Variants in NEGR1 observed in about 807,000 individuals in gnomAD.
NEGR1 encodes neuronal growth regulator 1.
NEGR1 carries 10 observed loss-of-function variants against 40.9 expected under a neutral mutation model. The observed-to-expected ratio is 0.24, with a 90% CI of 0.15 to 0.42. The LOEUF (loss-of-function observed/expected upper bound fraction) is 0.42. NEGR1 is among the 10% of genes least tolerant of loss of function. The pLI, the probability that NEGR1 is intolerant of heterozygous loss-of-function variation, is 1.00. For synonymous variants in NEGR1, 185 were observed against 166.8 expected (o/e 1.11, Z -0.84); for missense variants, 352 against 438.9 (o/e 0.80, Z 1.77).
At chr1:71,928,937 A>G (rs1206830661) in intron 2 of NEGR1, among the ~76,000 whole-genome samples, 1 of 152,118 alleles carries the variant, frequency 6.6e-6, no homozygotes, top group Non-Finnish European at 1.5e-5. Context: ...GGGTAAGTAA[A>G]TAATGATTTA....
intron 4 of NEGR1, among the ~76,000 whole-genome samples, chr1:71,680,154 A>G (rs992063832): frequency 6.6e-6 from 1 of 151,888 alleles, no homozygotes; most frequent in Non-Finnish European, 1.5e-5. Context: ...TTTTCTTTTT[A>G]TTTCTTTTTA....
intron 4 of NEGR1, among the ~76,000 whole-genome samples, chr1:71,644,880 CTGTTCACA>C (rs1308161395): frequency 6.6e-6 from 1 of 151,978 alleles, no homozygotes; most frequent in East Asian, 1.9e-4. Flanking sequence ...AGGCTACTAT[CTGTTCACA>C]TGTTTATTAT....
chr1:71,658,855 C>A (rs1171009413), intron 4 of NEGR1, among the ~76,000 whole-genome samples: 2 of 151,988 alleles, frequency 1.3e-5, no homozygotes, highest in African/African-American at 4.8e-5. Flanking sequence ...TATTGTAGGT[C>A]ACAAAACTAT....
chr1:72,141,995 G>T (rs1650695993), intron 1 of NEGR1, among the ~76,000 whole-genome samples: 1 of 151,900 alleles, frequency 6.6e-6, no homozygotes, highest in Admixed American at 6.6e-5. Context: ...TAAAGAAAAA[G>T]AATGAAGTAG....
At chr1:72,049,149 A>G (rs1445699569) in intron 1 of NEGR1, among the ~76,000 whole-genome samples, 1 of 151,440 alleles carries the variant, frequency 6.6e-6, no homozygotes, top group East Asian at 1.9e-4. Context: ...ACACAGCAAG[A>G]CGTCTCTAAA....
intron 2 of NEGR1, among the ~76,000 whole-genome samples, chr1:71,795,892 C>T (rs1427371049): frequency 6.6e-6 from 1 of 152,106 alleles, no homozygotes; most frequent in Non-Finnish European, 1.5e-5. Context: ...TTAAAATATA[C>T]TGTGAAATAC....
At chr1:71,475,246 T>A (rs1216804425) in intron 6 of NEGR1, among the ~76,000 whole-genome samples, 1 of 152,068 alleles carries the variant, frequency 6.6e-6, no homozygotes, top group Non-Finnish European at 1.5e-5. Context: ...TAATATGCTT[T>A]TTAAAAAATG....
chr1:71,556,416 G>T (rs182538883), intron 6 of NEGR1, among the ~76,000 whole-genome samples: 3 of 151,620 alleles, frequency 2.0e-5, no homozygotes, highest in African/African-American at 7.2e-5. Context: ...TTTCTTGAAG[G>T]TCTGAAGAAT....
At chr1:71,705,015 G>T (rs1194652953) in intron 3 of NEGR1, among the ~76,000 whole-genome samples, 2 of 151,868 alleles carry the variant, frequency 1.3e-5, no homozygotes, top group Admixed American at 6.6e-5. Flanking sequence ...CAATATATGG[G>T]TATATTAACA....
chr1:71,440,070 T>A (rs1646536943), intron 6 of NEGR1, among the ~76,000 whole-genome samples: 1 of 152,202 alleles, frequency 6.6e-6, no homozygotes, highest in South Asian at 2.1e-4. Flanking sequence ...AGAATAGGTG[T>A]CACATATGAT....
chr1:71,454,410 G>C (rs1646655265), intron 6 of NEGR1, among the ~76,000 whole-genome samples: 1 of 151,640 alleles, frequency 6.6e-6, no homozygotes, highest in Non-Finnish European at 1.5e-5. Context: ...CTCCCACATA[G>C]ATACTTATCA....
chr1:71,637,637 G>A (rs1383971499), intron 4 of NEGR1, among the ~76,000 whole-genome samples: 14 of 151,864 alleles, frequency 9.2e-5, no homozygotes, highest in African/African-American at 2.9e-4. Context: ...GGAAGCAGTC[G>A]CATTGATGTC....
intron 1 of NEGR1, among the ~76,000 whole-genome samples, chr1:72,140,990 A>G (rs1042213751): frequency 5.9e-5 from 9 of 152,078 alleles, no homozygotes; most frequent in African/African-American, 2.2e-4. Context: ...ATATGAATGT[A>G]AAGATTAGAG....
intron 6 of NEGR1, among the ~76,000 whole-genome samples, chr1:71,469,101 T>C (rs1646766067): frequency 6.6e-6 from 1 of 152,084 alleles, no homozygotes; most frequent in Non-Finnish European, 1.5e-5. Context: ...AGCTTGTTCC[T>C]CCTTTGAAAT....
chr1:72,011,740 A>C (rs2100402489), intron 1 of NEGR1, among the ~76,000 whole-genome samples: 1 of 152,318 alleles, frequency 6.6e-6, no homozygotes, highest in East Asian at 1.9e-4. Context: ...TCAGTGGTTA[A>C]AGAAGGCTTC....
At chr1:72,072,647 C>T (rs1185011670) in intron 1 of NEGR1, among the ~76,000 whole-genome samples, 3 of 152,060 alleles carry the variant, frequency 2.0e-5, no homozygotes, top group African/African-American at 7.2e-5. Flanking sequence ...TTTGATCTAG[C>T]CTCTGAAGGA....
intron 1 of NEGR1, among the ~76,000 whole-genome samples, chr1:72,071,758 A>G (rs182540923): frequency 1.3e-5 from 2 of 152,156 alleles, no homozygotes; most frequent in Non-Finnish European, 1.5e-5. Context: ...TGTTTCCACA[A>G]CCACTTCCTC....
intron 4 of NEGR1, among the ~76,000 whole-genome samples, chr1:71,683,108 G>T (rs543449493): frequency 6.6e-6 from 1 of 152,258 alleles, no homozygotes; most frequent in Non-Finnish European, 1.5e-5. Context: ...TGGGTAAGTT[G>T]AGGTTATAGG....
chr1:71,738,830 G>A (rs1050629182), intron 3 of NEGR1, among the ~76,000 whole-genome samples: 5 of 152,016 alleles, frequency 3.3e-5, no homozygotes, highest in Non-Finnish European at 5.9e-5. Flanking sequence ...GGATGCACGA[G>A]GATCCCTACT....
Sources: allele counts gnomAD v4.1 joint callset (sites outside exome capture counted in the v4.1 genomes callset), GRCh38; gene constraint gnomAD v4.1.1; transcripts MANE v1.5; gene names NCBI Gene and HGNC (gene_info 2026-07-23, HGNC 2026-07-21).